CDKAL1: variants seen among roughly 807,000 people sequenced by gnomAD.
CDKAL1 encodes the protein CDKAL1 threonylcarbamoyladenosine tRNA methylthiotransferase, also known as threonylcarbamoyladenosine tRNA methylthiotransferase.
A neutral mutation model predicts 68.2 loss-of-function variants in CDKAL1; 32 were observed. The ratio of observed to expected loss-of-function variants is 0.47; its 90% CI spans 0.35 to 0.63. The LOEUF (loss-of-function observed/expected upper bound fraction) is 0.63. Among genes scored for constraint, CDKAL1 ranks in the 30% least tolerant of loss-of-function variants. The pLI, the probability that CDKAL1 is intolerant of heterozygous loss-of-function variation, is 0.00. For missense variants in CDKAL1, 606 were observed against 696.7 expected (o/e 0.87, Z 1.47); for synonymous variants, 234 against 244.3 (o/e 0.96, Z 0.39).
chr6:20,974,181 C>T (rs550888197), intron 10 of CDKAL1, among the ~76,000 whole-genome samples: 2 of 152,068 alleles, frequency 1.3e-5, no homozygotes, highest in Non-Finnish European at 2.9e-5. Context: ...TTTGTCCTGC[C>T]GTCATGTTAG....
chr6:21,187,529 C>G (rs563737100), intron 13 of CDKAL1, among the ~76,000 whole-genome samples: 1 of 152,040 alleles, frequency 6.6e-6, no homozygotes, highest in African/African-American at 2.4e-5. Context: ...CATACCACAC[C>G]CACACCTTTT....
chr6:21,207,225 T>TG (rs1392230014), intron 15 of CDKAL1, among the ~76,000 whole-genome samples: 2 of 152,020 alleles, frequency 1.3e-5, no homozygotes, highest in East Asian at 3.9e-4. Context: ...CTTTAAATTT[T>TG]TTTTTTTTTA....
intron 9 of CDKAL1, among the ~76,000 whole-genome samples, chr6:20,950,579 T>C (rs984466189): frequency 2.0e-5 from 3 of 152,156 alleles, no homozygotes; most frequent in Non-Finnish European, 1.5e-5. Context: ...TGTATTTTCC[T>C]TAGTGGGAGA....
At chr6:20,978,954 A>C (rs1276053301) in intron 10 of CDKAL1, among the ~76,000 whole-genome samples, 1 of 152,198 alleles carries the variant, frequency 6.6e-6, no homozygotes, top group Non-Finnish European at 1.5e-5. Flanking sequence ...TATCTTAAAA[A>C]GGATTTTAAT....
At chr6:20,838,019 TCTA>T (rs955280730) in intron 8 of CDKAL1, among the ~76,000 whole-genome samples, 1 of 151,184 alleles carries the variant, frequency 6.6e-6, no homozygotes, top group African/African-American at 2.4e-5. Context: ...TATGTATACA[TCTA>T]CTTGTATATA....
chr6:20,700,692 T>C (rs1229010839), intron 5 of CDKAL1, among the ~76,000 whole-genome samples: 1 of 152,154 alleles, frequency 6.6e-6, no homozygotes, highest in African/African-American at 2.4e-5. Context: ...TGATTGAGGC[T>C]AGATATTTGC....
intron 11 of CDKAL1, among the ~76,000 whole-genome samples, chr6:21,032,363 T>C (rs1769340190): frequency 6.6e-6 from 1 of 152,178 alleles, no homozygotes; most frequent in African/African-American, 2.4e-5. Context: ...CATGACTCAC[T>C]GCACCTGGCT....
In CDKAL1 at chr6:21,194,553, T is replaced by G. The variant is rs560913962; in HGVS notation, c.1300-3468T>G. Among the ~76,000 whole-genome samples, 4 of 152,338 alleles carry G rather than the reference T, an allele frequency of 2.6e-5. No individual in the cohort carries two copies. In the South Asian group the frequency reaches 8.3e-4, roughly 32 times the overall value. On this transcript the variant is annotated intron_variant, in intron 13 of 15. Transcript: ENST00000274695. ...TTTTCTGCAGATGCCCTGCCTTAGTTCTATGACTAGAACTTCCTTACTCAG... is the reference window on the plus strand; with the variant it reads ...TTTTCTGCAGATGCCCTGCCTTAGTGCTATGACTAGAACTTCCTTACTCAG...
At chr6:20,548,564 C>T in intron 3 of CDKAL1, 29 bp from the exon 4 acceptor site, 2 of 809,574 alleles carry the variant, frequency 2.5e-6, no homozygotes, top group Non-Finnish European at 2.0e-6. Context: ...ATGAAACTTA[C>T]TTTTTTTTTT....
intron 8 of CDKAL1, among the ~76,000 whole-genome samples, chr6:20,783,320 C>G (rs1024150565): frequency 5.3e-5 from 8 of 152,206 alleles, no homozygotes; most frequent in Non-Finnish European, 1.2e-4. Context: ...CTGTCAAACT[C>G]TGTTAGATTA....
chr6:21,123,105 A>G (rs1342529176), intron 13 of CDKAL1, among the ~76,000 whole-genome samples: 1 of 152,146 alleles, frequency 6.6e-6, no homozygotes, highest in South Asian at 2.1e-4. Context: ...TTCTCCACAG[A>G]TAGCCCAGGT....
intron 7 of CDKAL1, among the ~76,000 whole-genome samples, chr6:20,777,134 G>A (rs1042295248): frequency 2.0e-5 from 3 of 152,228 alleles, no homozygotes; most frequent in African/African-American, 7.2e-5. Context: ...CATACCTTCA[G>A]TTAACCAGAA....
chr6:21,225,831 G>T (rs1779719648), intron 15 of CDKAL1, among the ~76,000 whole-genome samples: 1 of 152,166 alleles, frequency 6.6e-6, no homozygotes, highest in Non-Finnish European at 1.5e-5. Context: ...TTTACAAAAA[G>T]AATTTCTGAG....
chr6:20,575,491 A>C (rs1353773343), intron 4 of CDKAL1, among the ~76,000 whole-genome samples: 1 of 151,784 alleles, frequency 6.6e-6, no homozygotes, highest in African/African-American at 2.4e-5. Context: ...GAAGGGAAAA[A>C]GTATCCATTT....
chr6:20,639,717 C>T (rs1396405880), intron 4 of CDKAL1, among the ~76,000 whole-genome samples: 2 of 152,232 alleles, frequency 1.3e-5, no homozygotes, highest in African/African-American at 4.8e-5. Flanking sequence ...GCTGCTCAGG[C>T]TGGAGTGCCG....
At chr6:21,149,593 AC>A (rs1776316402) in intron 13 of CDKAL1, among the ~76,000 whole-genome samples, 1 of 152,196 alleles carries the variant, frequency 6.6e-6, no homozygotes, top group South Asian at 2.1e-4. Flanking sequence ...ACGATTCCTC[AC>A]ATTCCCAAAA....
chr6:20,826,308 A>G (rs771769054), intron 8 of CDKAL1, among the ~76,000 whole-genome samples: 22 of 152,164 alleles, frequency 1.4e-4, no homozygotes, highest in Non-Finnish European at 2.8e-4. Context: ...CTCCCTAAAT[A>G]TAGTATTTCT....
At chr6:20,903,233 G>T (rs1301266900) in intron 9 of CDKAL1, among the ~76,000 whole-genome samples, 1 of 152,080 alleles carries the variant, frequency 6.6e-6, no homozygotes, top group Non-Finnish European at 1.5e-5. Context: ...CTTTAATGGT[G>T]AATATCTTAA....
chr6:20,844,062 G>A (rs1280979463), intron 8 of CDKAL1, among the ~76,000 whole-genome samples: 5 of 152,098 alleles, frequency 3.3e-5, no homozygotes, highest in African/African-American at 7.2e-5. Flanking sequence ...TTAAAATGAC[G>A]TGTCAAGTCC....
Sources: gnomAD v4.1 joint callset for allele counts (sites outside exome capture counted in the v4.1 genomes callset) on GRCh38, gnomAD v4.1.1 for gene constraint, MANE v1.5 for transcripts, NCBI Gene and HGNC (gene_info 2026-07-23, HGNC 2026-07-21) for gene names.